Variants in PDE1C observed in about 807,000 individuals in gnomAD.
PDE1C encodes phosphodiesterase 1C, also known as dual specificity calcium/calmodulin-dependent 3',5'-cyclic nucleotide phosphodiesterase 1C.
In PDE1C, 62 loss-of-function variants were observed where a neutral mutation model predicts 93.1. The ratio of observed to expected loss-of-function variants is 0.67; its 90% CI spans 0.54 to 0.82. PDE1C has a LOEUF of 0.82. PDE1C is among the 40% of genes least tolerant of loss of function. The pLI is 0.00. For missense variants in PDE1C, 742 were observed against 884.6 expected, an observed-to-expected ratio of 0.84 and a Z score of 2.04; for synonymous variants, 325 against 310.1, an observed-to-expected ratio of 1.05 and a Z score of -0.50.
chr7:31,899,103 G>A (rs1016584615), intron 2 of PDE1C, among the ~76,000 whole-genome samples: 1 of 147,244 alleles, frequency 6.8e-6, no homozygotes, highest in Non-Finnish European at 1.5e-5. Flanking sequence ...TTTTAGTACT[G>A]ATCCTTACCA....
chr7:32,201,939 C>A (rs1305007723), intron 2 of PDE1C, among the ~76,000 whole-genome samples: 1 of 152,146 alleles, frequency 6.6e-6, no homozygotes, highest in African/African-American at 2.4e-5. Context: ...ACATCTGAGA[C>A]TATGTCAGAG....
At chr7:32,233,626 A>T (rs767233031) in intron 1 of PDE1C, among the ~76,000 whole-genome samples, 15 of 152,120 alleles carry the variant, frequency 9.9e-5, no homozygotes, top group Non-Finnish European at 2.1e-4. Flanking sequence ...TCAGTTCACA[A>T]AGAAGTTAAA....
rs1788229576 is a variant in PDE1C at position 31,816,123 on chromosome 7, C to T, written c.1614G>A (p.Lys538=). Residue 538 remains lysine, a synonymous_variant, in exon 15 of 18, where the codon AAG becomes AAA. Coordinates refer to ENST00000396191, the MANE Select transcript of PDE1C (RefSeq NM_001191057.4). ...GCTGCTCCTCTGCGGCCAGGCGAGC[C>T]TTTTCCTCTGCTTCCTTCTTGGCCT... is the stretch of plus-strand genomic sequence containing the variant. ...EEKAKKEAEE[K]ARLAAEEQQK... 1 of 1,613,830 alleles carries T rather than the reference C, an allele frequency of 6.2e-7. No individual in the cohort carries two copies. Among genetic ancestry groups the T allele is most frequent in the African/African-American group, 1.3e-5 (1 of 74,878 alleles).
At chr7:32,408,230 C>G (rs1785096539) in intron 1 of PDE1C, among the ~76,000 whole-genome samples, 1 of 152,176 alleles carries the variant, frequency 6.6e-6, no homozygotes, top group Non-Finnish European at 1.5e-5. Flanking sequence ...CCTACCTGCT[C>G]CATCCCTAAA....
chr7:31,897,871 T>G (rs1226698534), intron 2 of PDE1C, among the ~76,000 whole-genome samples: 1 of 152,156 alleles, frequency 6.6e-6, no homozygotes, highest in East Asian at 1.9e-4. Flanking sequence ...AATATATATA[T>G]TTTTTCCTTT....
At chr7:32,293,802 T>A (rs1240873820) in intron 1 of PDE1C, among the ~76,000 whole-genome samples, 1 of 152,154 alleles carries the variant, frequency 6.6e-6, no homozygotes, top group Non-Finnish European at 1.5e-5. Flanking sequence ...CCTGGAATCC[T>A]TACTGGGTTC....
At chr7:32,009,109 A>G (rs994017363) in intron 2 of PDE1C, among the ~76,000 whole-genome samples, 4 of 152,204 alleles carry the variant, frequency 2.6e-5, no homozygotes, top group Non-Finnish European at 5.9e-5. Context: ...CAAATACATA[A>G]AACAATGGCT....
intron 1 of PDE1C, among the ~76,000 whole-genome samples, chr7:32,416,953 A>G (rs139266518): frequency 0.01 from 1,578 of 152,238 alleles, 26 homozygotes; most frequent in African/African-American, 0.036. Context: ...ACAGAGGCCC[A>G]GAGTACCGCC....
At chr7:31,938,473 T>A (rs761955887) in intron 2 of PDE1C, among the ~76,000 whole-genome samples, 1 of 152,150 alleles carries the variant, frequency 6.6e-6, no homozygotes, top group Non-Finnish European at 1.5e-5. Context: ...TAAAGTCATA[T>A]TCAATATTAT....
chr7:32,180,478 G>C (rs943732653), intron 2 of PDE1C, among the ~76,000 whole-genome samples: 1 of 152,090 alleles, frequency 6.6e-6, no homozygotes, highest in Non-Finnish European at 1.5e-5. Context: ...AGGGATTCAC[G>C]GAAGGACTCT....
the PDE1C span, among the ~76,000 whole-genome samples, chr7:31,670,942 A>G: frequency 6.6e-6 from 1 of 152,112 alleles, no homozygotes; most frequent in African/African-American, 2.4e-5. Flanking sequence ...GGACAGCTTG[A>G]TGGGATAGCT....
chr7:31,707,533 T>C, the PDE1C span: 3 of 447,964 alleles, frequency 6.7e-6, no homozygotes, highest in East Asian at 1.2e-4. Context: ...AAACAGATCA[T>C]CCTAAATGAG....
chr7:31,956,828 G>C (rs1375526429), intron 2 of PDE1C, among the ~76,000 whole-genome samples: 1 of 152,034 alleles, frequency 6.6e-6, no homozygotes, highest in Non-Finnish European at 1.5e-5. Context: ...AACACAAATT[G>C]GTTAAAATCA....
At chr7:31,993,912 G>GGC (rs1784425580) in intron 2 of PDE1C, among the ~76,000 whole-genome samples, 2 of 151,864 alleles carry the variant, frequency 1.3e-5, no homozygotes, top group African/African-American at 2.4e-5. Flanking sequence ...TCCCTTTTTC[G>GGC]GCAGTATGTG....
At chr7:32,219,727 A>G (rs777205606) in intron 1 of PDE1C, among the ~76,000 whole-genome samples, 7 of 152,198 alleles carry the variant, frequency 4.6e-5, no homozygotes, top group Non-Finnish European at 8.8e-5. Flanking sequence ...TGGCCTCACT[A>G]TAACAACCCA....
At chr7:32,050,335 T>G (rs952411199) in intron 2 of PDE1C, among the ~76,000 whole-genome samples, 2 of 152,136 alleles carry the variant, frequency 1.3e-5, no homozygotes, top group Admixed American at 1.3e-4. Flanking sequence ...CCAACTTTGA[T>G]GGAGAGTCAT....
chr7:32,126,503 G>A (rs1156937890), intron 3 of PDE1C, among the ~76,000 whole-genome samples: 1 of 152,038 alleles, frequency 6.6e-6, no homozygotes, highest in Admixed American at 6.6e-5. Context: ...CAGGGAGTCT[G>A]GCTAGATAAC....
the PDE1C span, chr7:31,695,392 A>G: frequency 7.3e-7 from 1 of 1,375,992 alleles, no homozygotes; most frequent in Non-Finnish European, 9.9e-7. Context: ...ATCAAGTGCA[A>G]TTAGGAACCA....
chr7:32,401,216 T>C (rs1307602141), intron 1 of PDE1C, among the ~76,000 whole-genome samples: 2 of 152,170 alleles, frequency 1.3e-5, no homozygotes, highest in Non-Finnish European at 2.9e-5. Flanking sequence ...ATTTTCCTAG[T>C]ATAGTATGAC....
Sources: gnomAD v4.1 joint callset for allele counts (sites outside exome capture counted in the v4.1 genomes callset) on GRCh38, gnomAD v4.1.1 for gene constraint, MANE v1.5 for transcripts, NCBI Gene and HGNC (gene_info 2026-07-23, HGNC 2026-07-21) for gene names.